ACAT2: variants seen among roughly 807,000 people sequenced by gnomAD.
ACAT2 encodes acetyl-CoA acetyltransferase 2, also known as acetyl-CoA acetyltransferase, cytosolic.
In ACAT2, 26 loss-of-function variants were observed where a neutral mutation model predicts 37.1. The observed-to-expected ratio is 0.70, with a 90% CI of 0.51 to 0.97. ACAT2 has a LOEUF of 0.97. Among genes scored for constraint, ACAT2 ranks in the 50% least tolerant of loss-of-function variants. The pLI, the probability that ACAT2 is intolerant of heterozygous loss-of-function variation, is 0.00. For missense variants in ACAT2, 468 were observed against 489.0 expected, an observed-to-expected ratio of 0.96 and a Z score of 0.40; for synonymous variants, 156 against 163.6, an observed-to-expected ratio of 0.95 and a Z score of 0.35.
At chr6:159,777,834 C>T (rs902871627) in intron 7 of ACAT2, among the ~76,000 whole-genome samples, 3 of 152,188 alleles carry the variant, frequency 2.0e-5, no homozygotes, top group African/African-American at 7.2e-5. Flanking sequence ...GTGTGAGCCA[C>T]TACCCCCAGC....
At chr6:159,773,781 A>G (rs1409178040) in intron 4 of ACAT2, among the ~76,000 whole-genome samples, 3 of 152,228 alleles carry the variant, frequency 2.0e-5, no homozygotes, top group Non-Finnish European at 2.9e-5. Flanking sequence ...ATTCAATAAA[A>G]TGAAAATGTA....
intron 4 of ACAT2, among the ~76,000 whole-genome samples, chr6:159,773,414 G>T (rs572429507): frequency 3.7e-4 from 57 of 152,282 alleles, no homozygotes; most frequent in African/African-American, 1.3e-3. Context: ...AAGGAACTAA[G>T]GTTGTTTGGA....
At chr6:159,775,906 C>CT (rs1454791955) in intron 5 of ACAT2, 3 of 397,410 alleles carry the variant, frequency 7.5e-6, no homozygotes, top group African/African-American at 6.2e-5. Flanking sequence ...CTGGTAGCTA[C>CT]TTTCCTCAGG....
At chr6:159,773,617 G>T (rs118046782) in intron 4 of ACAT2, among the ~76,000 whole-genome samples, 2 of 151,946 alleles carry the variant, frequency 1.3e-5, no homozygotes, top group Admixed American at 1.3e-4. Flanking sequence ...CAATTTCAGC[G>T]TGCAAATAAG....
Position 159,779,056 on chromosome 6 carries a change from G to C in ACAT2, c.*227G>C, listed in dbSNP as rs1780506643. On this transcript the variant is annotated 3_prime_UTR_variant, in exon 9 of 9. Transcript: ENST00000367048. Reference sequence around the variant, plus strand: ...AAAGGAACATCAGATCAATCATTAAGGGCTCCAGAGTGAACAGCATCTTCA... The same window carrying C: ...AAAGGAACATCAGATCAATCATTAACGGCTCCAGAGTGAACAGCATCTTCA... 1 of 1,613,106 alleles carries C rather than the reference G, an allele frequency of 6.2e-7. No individual in the cohort carries two copies. Among genetic ancestry groups the C allele is most frequent in the African/African-American group, 1.3e-5 (1 of 74,868 alleles).
intron 3 of ACAT2, among the ~76,000 whole-genome samples, chr6:159,768,147 T>C (rs1032405733): frequency 4.6e-5 from 7 of 152,200 alleles, no homozygotes; most frequent in African/African-American, 1.7e-4. Context: ...TCCATTGAAA[T>C]AGGTAACACA....
chr6:159,766,251 G>A (rs546959164), intron 2 of ACAT2, among the ~76,000 whole-genome samples: 19 of 152,262 alleles, frequency 1.2e-4, no homozygotes, highest in Non-Finnish European at 2.5e-4. Flanking sequence ...ATTATCAAAG[G>A]TTTTCCTTTT....
intron 2 of ACAT2, among the ~76,000 whole-genome samples, chr6:159,765,400 G>A (rs941720653): frequency 1.3e-5 from 2 of 151,412 alleles, no homozygotes; most frequent in Admixed American, 6.6e-5. Flanking sequence ...ACAGGCATGA[G>A]CCACCATGCC....
intron 2 of ACAT2, among the ~76,000 whole-genome samples, chr6:159,763,628 C>CTTTT (rs1491465110): frequency 5.8e-5 from 6 of 104,052 alleles, no homozygotes; most frequent in Non-Finnish European, 1.0e-4. Flanking sequence ...CTTTTCTTTT[C>CTTTT]CTTTTTTTTT....
Position 159,778,791 on chromosome 6 carries a change from G to A in ACAT2, c.1156G>A (p.Gly386Ser). ...TGGTGTTGCAGCCCTGTGCATTGGG[G>A]GTGGGATGGGAATAGCAATGTGTGT... ...SRGVAALCIG[G>S]GMGIAMCVQR... Residue 386 changes from glycine (G) to serine (S), a missense_variant, in exon 9 of 9, where the codon GGT becomes AGT. Coordinates refer to ENST00000367048, the MANE Select transcript of ACAT2 (RefSeq NM_005891.3). 1 of 1,614,200 alleles carries A rather than the reference G, an allele frequency of 6.2e-7. No individual in the cohort carries two copies. The highest frequency in any genetic ancestry group is 8.5e-7 in the Non-Finnish European group (1 of 1,180,048).
Position 159,776,204 on chromosome 6 carries a change from C to T in ACAT2, c.689C>T (p.Ala230Val), listed in dbSNP as rs746398568. ...EFPRHGSNIE[A>V]MSKLKPYFLT... Reference sequence around the variant, plus strand: ...CCTCGCCATGGGAGCAACATAGAAGCCATGTCCAAGCTAAAGCCTTACTTT... The same window carrying T: ...CCTCGCCATGGGAGCAACATAGAAGTCATGTCCAAGCTAAAGCCTTACTTT... Residue 230 changes from alanine to valine, a missense_variant, in exon 6 of 9, where the codon GCC (alanine) becomes GTC (valine). Ala to Val is a moderately conservative substitution (Grantham distance 64). Coordinates refer to ENST00000367048, the MANE Select transcript of ACAT2 (RefSeq NM_005891.3). 3.1e-6 allele frequency: 5 copies of T among 1,614,102 alleles called. No homozygotes were observed. Among genetic ancestry groups the T allele is most frequent in the South Asian group, 2.2e-5 (2 of 91,088 alleles).
intron 8 of ACAT2, 107 bp from the exon 9 acceptor site, chr6:159,778,552 G>A: frequency 1.6e-6 from 2 of 1,274,644 alleles, no homozygotes; most frequent in South Asian, 1.5e-5. Flanking sequence ...GAAAATTTGA[G>A]TTTGAAAGGG....
At chr6:159,762,879 C>A in intron 1 of ACAT2, 40 bp from the exon 2 acceptor site, 1 of 1,600,308 alleles carries the variant, frequency 6.2e-7, no homozygotes, top group Non-Finnish European at 8.5e-7. Flanking sequence ...GTATTACCCG[C>A]AGGCTTGTGA....
rs766634937 is a variant in ACAT2, at chr6:159,777,334, A to C, written c.790A>C (p.Met264Leu). The change falls in exon 7 of 9, where the codon ATG (methionine) becomes CTG (leucine). Residue 264 changes from methionine to leucine, a missense_variant. Met to Leu is a conservative substitution (Grantham distance 15). Transcript: ENST00000367048. ...TGATGGTGCTGCAGCTGTCGTTCTT[A>C]TGAAGAAGTCAGAAGCTGATAAACG... ...INDGAAAVVL[M>L]KKSEADKRGL... is the part of the protein sequence containing the mutation. The C allele has an allele frequency of 3.7e-5, 60 of 1,613,830 alleles. No individual in the cohort carries two copies. Among genetic ancestry groups the C allele is most frequent in the Non-Finnish European group, 5.1e-5 (60 of 1,179,926 alleles).
chr6:159,776,495 T>C (rs558945395), intron 6 of ACAT2, among the ~76,000 whole-genome samples: 1 of 152,216 alleles, frequency 6.6e-6, no homozygotes, highest in Non-Finnish European at 1.5e-5. Flanking sequence ...GCTGGGGGAC[T>C]ACAGGCATGA....
chr6:159,778,352 A>C (rs763096170), intron 8 of ACAT2, 72 bp downstream of exon 8: 28 of 1,034,570 alleles, frequency 2.7e-5, no homozygotes, highest in Non-Finnish European at 3.8e-5. Context: ...AGTATCTTCT[A>C]GGTGTTGGCC....
intron 3 of ACAT2, among the ~76,000 whole-genome samples, chr6:159,767,627 G>A (rs925008926): frequency 2.0e-5 from 3 of 152,154 alleles, no homozygotes; most frequent in Admixed American, 2.0e-4. Context: ...ACCACCAAGT[G>A]GTGCCCTTCT....
At chr6:159,766,177 T>G (rs760597785) in intron 2 of ACAT2, among the ~76,000 whole-genome samples, 8 of 152,242 alleles carry the variant, frequency 5.3e-5, no homozygotes, top group Non-Finnish European at 1.0e-4. Context: ...TGAGTTTGTA[T>G]ATATTTTGTT....
chr6:159,778,561 G>T, intron 8 of ACAT2, 98 bp from the exon 9 acceptor site: 2 of 1,344,934 alleles, frequency 1.5e-6, no homozygotes, highest in Non-Finnish European at 1.0e-6. Flanking sequence ...AGTTTGAAAG[G>T]GTAGCATGCT....
Sources: allele counts gnomAD v4.1 joint callset (sites outside exome capture counted in the v4.1 genomes callset), GRCh38; gene constraint gnomAD v4.1.1; transcripts MANE v1.5; gene names NCBI Gene and HGNC (gene_info 2026-07-23, HGNC 2026-07-21).